THSD7B: variants seen among roughly 807,000 people sequenced by gnomAD.
THSD7B encodes thrombospondin type-1 domain-containing protein 7B.
In THSD7B, 138 loss-of-function variants were observed where a neutral mutation model predicts 213.6. The observed-to-expected ratio is 0.65, with a 90% CI of 0.56 to 0.74. The LOEUF (loss-of-function observed/expected upper bound fraction) is 0.74, where lower values mean the gene tolerates loss of function less well. THSD7B is among the 30% of genes least tolerant of loss of function. The probability of loss-of-function intolerance (pLI) is 0.00; values close to 1 mark genes in which losing one functional copy is unlikely to be tolerated. For missense variants in THSD7B, 1,931 were observed against 1,991.5 expected (o/e 0.97, Z 0.58); for synonymous variants, 742 against 687.0 (o/e 1.08, Z -1.25).
At chr2:136,890,754 T>C (rs1188053301) in intron 2 of THSD7B, among the ~76,000 whole-genome samples, 1 of 151,410 alleles carries the variant, frequency 6.6e-6, no homozygotes, top group East Asian at 2.0e-4. Context: ...TTGGCCAGGC[T>C]GGTCTCGAAC....
chr2:137,214,455 T>G (rs58797837), intron 7 of THSD7B, among the ~76,000 whole-genome samples: 4,203 of 152,280 alleles, frequency 0.028, 231 homozygotes, highest in African/African-American at 0.095. Flanking sequence ...TATTATATTT[T>G]AAGTTCTGGG....
intron 12 of THSD7B, among the ~76,000 whole-genome samples, chr2:137,348,410 C>T (rs1039789016): frequency 5.3e-5 from 8 of 151,642 alleles, no homozygotes; most frequent in Non-Finnish European, 1.2e-4. Context: ...TAATCATATG[C>T]CCTCGATATG....
intron 15 of THSD7B, among the ~76,000 whole-genome samples, chr2:137,549,921 T>A (rs1249693024): frequency 6.6e-6 from 1 of 152,034 alleles, no homozygotes; most frequent in Non-Finnish European, 1.5e-5. Context: ...ATGGTGTTGC[T>A]TTTTTTCACT....
chr2:137,005,886 A>G (rs1475482507), intron 2 of THSD7B, among the ~76,000 whole-genome samples: 1 of 152,202 alleles, frequency 6.6e-6, no homozygotes, highest in East Asian at 1.9e-4. Context: ...AAACTCATTT[A>G]ACATTTTATG....
In THSD7B at chr2:136,814,533, G is replaced by C. The variant is rs573118740; in HGVS notation, c.-36+48846G>C. Among the ~76,000 whole-genome samples the C allele has an allele frequency of 3.3e-5, 5 of 152,130 alleles. No homozygotes were observed. The South Asian group carries it at 1.0e-3, about 32-fold the overall frequency. ...CCTGCCTCAGCCTCCTGAGTAGCTG[G>C]GACTACAGGCGCCTGCCACCACGCC... On this transcript the variant is annotated intron_variant, in intron 1 of 27. Coordinates refer to ENST00000409968, the MANE Select transcript of THSD7B (RefSeq NM_001316349.2).
At chr2:136,782,739 A>G (rs1334181826) in intron 1 of THSD7B, among the ~76,000 whole-genome samples, 1 of 152,178 alleles carries the variant, frequency 6.6e-6, no homozygotes, top group African/African-American at 2.4e-5. Context: ...GTATTCTTGA[A>G]AAACTTGGAG....
intron 17 of THSD7B, among the ~76,000 whole-genome samples, chr2:137,576,565 T>C (rs1437694408): frequency 6.6e-6 from 1 of 152,134 alleles, no homozygotes; most frequent in African/African-American, 2.4e-5. Context: ...TTAAGTGCAA[T>C]GGAATCTGGA....
chr2:137,038,263 A>T (rs1219966602), intron 2 of THSD7B, among the ~76,000 whole-genome samples: 1 of 152,148 alleles, frequency 6.6e-6, no homozygotes, highest in Non-Finnish European at 1.5e-5. Context: ...TCTTGAAGAG[A>T]TTTTTTAAAA....
chr2:137,310,622 G>T (rs1683876514), intron 12 of THSD7B, among the ~76,000 whole-genome samples: 1 of 152,166 alleles, frequency 6.6e-6, no homozygotes, highest in South Asian at 2.1e-4. Flanking sequence ...TTCTTCTAGG[G>T]TTTTTATGGT....
intron 7 of THSD7B, among the ~76,000 whole-genome samples, chr2:137,216,274 GC>G (rs1402047590): frequency 1.7e-3 from 9 of 5,390 alleles, no homozygotes; most frequent in South Asian, 0.014. Context: ...CCTGCCCCCC[GC>G]CCCCCACCCC....
intron 1 of THSD7B, among the ~76,000 whole-genome samples, chr2:136,772,253 A>G (rs1681521839): frequency 6.6e-6 from 1 of 152,132 alleles, no homozygotes. Context: ...GCAAGAACAC[A>G]CACACTTACC....
intron 15 of THSD7B, among the ~76,000 whole-genome samples, chr2:137,552,766 A>T (rs1159156062): frequency 6.6e-6 from 1 of 152,234 alleles, no homozygotes; most frequent in Admixed American, 6.5e-5. Flanking sequence ...CTTTCCAGTC[A>T]GTCAGACCAA....
chr2:137,156,093 A>C (rs1427542828), intron 5 of THSD7B: 1 of 152,106 alleles, frequency 6.6e-6, no homozygotes, highest in East Asian at 1.9e-4. Context: ...TCTGAAGCTC[A>C]CTCTAGCTCC....
rs150324478 is a variant in THSD7B, at chr2:137,195,659, T to C, written c.1723+24721T>C. Among the ~76,000 whole-genome samples, 14 of 152,162 alleles carry C rather than the reference T, an allele frequency of 9.2e-5. 1 individual carries two copies. In the East Asian group the frequency reaches 2.5e-3, roughly 27 times the overall value. ...TGCTTGATATTAATAAATGCATGAA[T>C]AAATAGATAAATAAGTGGGGAGAAA... On this transcript the variant is annotated intron_variant, in intron 7 of 27. Transcript: ENST00000409968.
At chr2:137,561,484 A>C (rs1562661) in intron 15 of THSD7B, among the ~76,000 whole-genome samples, 45,325 of 152,116 alleles carry the variant, frequency 0.3, 7,609 homozygotes, top group African/African-American at 0.46. Flanking sequence ...TGTACAAAGC[A>C]CTTTGGCAGA....
intron 12 of THSD7B, among the ~76,000 whole-genome samples, chr2:137,400,426 T>C (rs1574007745): frequency 1.3e-5 from 2 of 152,130 alleles, no homozygotes; most frequent in African/African-American, 4.8e-5. Flanking sequence ...GCTATGATGG[T>C]TGGGTAGGGT....
At chr2:137,652,888 C>T (rs1229197752) in intron 21 of THSD7B, among the ~76,000 whole-genome samples, 2 of 152,058 alleles carry the variant, frequency 1.3e-5, no homozygotes, top group African/African-American at 4.8e-5. Flanking sequence ...TCTCAATTGA[C>T]ATATTTTTAT....
intron 12 of THSD7B, among the ~76,000 whole-genome samples, chr2:137,370,472 G>GGTTTT (rs1227938641): frequency 7.9e-5 from 12 of 151,930 alleles, no homozygotes; most frequent in Non-Finnish European, 1.5e-4. Context: ...GAATGATAAG[G>GGTTTT]GTTTTGTTTT....
chr2:137,600,025 AC>A (rs1682046204), intron 17 of THSD7B, among the ~76,000 whole-genome samples: 1 of 151,008 alleles, frequency 6.6e-6, no homozygotes, highest in African/African-American at 2.4e-5. Context: ...TCTTTCCTCC[AC>A]CTCCTTCTCT....
Sources: allele counts gnomAD v4.1 joint callset (sites outside exome capture counted in the v4.1 genomes callset), GRCh38; gene constraint gnomAD v4.1.1; transcripts MANE v1.5; gene names NCBI Gene and HGNC (gene_info 2026-07-23, HGNC 2026-07-21).